The following PRKCZ variants were observed in gnomAD, a reference collection of about 807,000 sequenced individuals.
The protein encoded by PRKCZ is protein kinase C zeta type.
Under a neutral mutation model 79.5 loss-of-function variants are expected in PRKCZ, and 33 were observed. The ratio of observed to expected loss-of-function variants is 0.41; its 90% CI spans 0.31 to 0.55. PRKCZ has a LOEUF of 0.55. Among genes scored for constraint, PRKCZ ranks in the 20% least tolerant of loss-of-function variants. The pLI is 0.19. For missense variants in PRKCZ, 578 were observed against 813.5 expected (o/e 0.71, Z 3.52); for synonymous variants, 342 against 320.9 (o/e 1.07, Z -0.70).
At chr1:2,090,293 C>T (rs573230275) in intron 4 of PRKCZ, among the ~76,000 whole-genome samples, 13 of 152,174 alleles carry the variant, frequency 8.5e-5, no homozygotes, top group Non-Finnish European at 1.6e-4. Flanking sequence ...ATGGCCTGGC[C>T]GGTCTGCAGT....
At chr1:2,121,676 G>GGGTCGTGGTA (rs1672036709) in intron 4 of PRKCZ, among the ~76,000 whole-genome samples, 1 of 18,542 alleles carries the variant, frequency 5.4e-5, no homozygotes, top group African/African-American at 4.7e-4. Context: ...TCGTGGTGGT[G>GGGTCGTGGTA]GTTAGGGTCA....
Position 2,126,080 on chromosome 1 carries a change from C to T in PRKCZ, c.335-9182C>T, listed in dbSNP as rs535608052. 6.6e-5 allele frequency among the ~76,000 whole-genome samples: 10 copies of T among 152,126 alleles called. No homozygotes were observed. In the East Asian group the frequency reaches 1.9e-3, roughly 30 times the overall value. On this transcript the variant is annotated intron_variant, in intron 4 of 17. Coordinates refer to ENST00000378567, the MANE Select transcript of PRKCZ (RefSeq NM_002744.6). ...CCCTGGGGCAGCGTCACCTGGGGGT[C>T]CTGCGGGGGCTTCTCAGCACAGCAT...
In PRKCZ at chr1:2,094,315, A is replaced by G. The variant is rs1166341516; in HGVS notation, c.334+34724A>G. On this transcript the variant is annotated intron_variant, in intron 4 of 17. Coordinates refer to ENST00000378567, the MANE Select transcript of PRKCZ (RefSeq NM_002744.6). This position sits in a 1 kb window ranked among gnomAD's most constrained non-coding sequence, Gnocchi z 7.3. ...TTCTCCTACCATGATGGTGCCTGGGATGCTGTGTGGTGCCCGTGGGCAGTG... is the reference window on the plus strand; with the variant it reads ...TTCTCCTACCATGATGGTGCCTGGGGTGCTGTGTGGTGCCCGTGGGCAGTG... Among the ~76,000 whole-genome samples, 4 of 152,128 alleles carry G rather than the reference A, an allele frequency of 2.6e-5. No homozygotes were observed. The highest frequency in any genetic ancestry group is 9.7e-5 in the African/African-American group (4 of 41,406).
At chr1:2,103,453 C>T (rs1006932099) in intron 4 of PRKCZ, among the ~76,000 whole-genome samples, 17 of 151,896 alleles carry the variant, frequency 1.1e-4, no homozygotes, top group African/African-American at 3.9e-4. Context: ...GCGTGTGCCT[C>T]GGGAAGGCCT....
In PRKCZ at chr1:2,168,020, G is replaced by A. The variant is rs1317583568; in HGVS notation, c.975-1498G>A. Reference sequence around the variant, plus strand: ...TGGAGCTTCGTTCCGTGGGGTTGACGTTACTGAACGAGTCCCTCCACGGGT... The same window carrying A: ...TGGAGCTTCGTTCCGTGGGGTTGACATTACTGAACGAGTCCCTCCACGGGT... On this transcript the variant is annotated intron_variant, in intron 10 of 17. Coordinates refer to ENST00000378567, the MANE Select transcript of PRKCZ (RefSeq NM_002744.6). The surrounding 1 kb of genome is among the most constrained non-coding windows in gnomAD (Gnocchi z 4.7). Among the ~76,000 whole-genome samples the A allele has an allele frequency of 1.3e-5, 2 of 152,158 alleles. No homozygotes were observed. The highest frequency in any genetic ancestry group is 2.1e-4 in the South Asian group (1 of 4,832).
chr1:2,181,828 G>A (rs1294722570), intron 16 of PRKCZ: 1 of 456,152 alleles, frequency 2.2e-6, no homozygotes. Flanking sequence ...CATTTTATCG[G>A]CAGGTGTTTC....
At chr1:2,052,577 C>T (rs1200426154) in intron 1 of PRKCZ, among the ~76,000 whole-genome samples, 1 of 151,918 alleles carries the variant, frequency 6.6e-6, no homozygotes, top group Non-Finnish European at 1.5e-5. Context: ...TTCCTTCTCT[C>T]CTCTCTCCCC....
chr1:2,172,058 C>T lies in PRKCZ; in HGVS notation c.1065C>T (p.Phe355=). ...QRKLPEEHAR[F]YAAEICIALN... is the part of the protein sequence containing the mutation. ...ATGACGGCATCCCCACCCCCAGGTT[C>T]TACGCGGCCGAGATCTGCATCGCCC... Residue 355 remains phenylalanine (F), a synonymous_variant, in exon 12 of 18, where the codon TTC becomes TTT. Transcript: ENST00000378567. The surrounding 1 kb of genome is among the most constrained non-coding windows in gnomAD (Gnocchi z 7.8). The T allele has an allele frequency of 6.2e-7, 1 of 1,602,480 alleles. No individual in the cohort carries two copies. The highest frequency in any genetic ancestry group is 1.1e-5 in the South Asian group (1 of 89,044).
chr1:2,072,175 A>T (rs1020579709), intron 4 of PRKCZ, among the ~76,000 whole-genome samples: 6 of 152,210 alleles, frequency 3.9e-5, no homozygotes, highest in Non-Finnish European at 8.8e-5. Flanking sequence ...CCGCCTGACG[A>T]GGGAAGCTTG....
At chr1:2,070,262 A>G (rs1474421622) in intron 4 of PRKCZ, among the ~76,000 whole-genome samples, 1 of 152,046 alleles carries the variant, frequency 6.6e-6, no homozygotes, top group African/African-American at 2.4e-5. Context: ...GGTGTCCTAC[A>G]TTCCACATTC....
chr1:2,102,753 C>G (rs1667713003), intron 4 of PRKCZ, among the ~76,000 whole-genome samples: 1 of 152,170 alleles, frequency 6.6e-6, no homozygotes, highest in Non-Finnish European at 1.5e-5. Flanking sequence ...GTCTCCTCCC[C>G]CAACCCCCAA....
In PRKCZ at chr1:2,172,253, C is replaced by G; in HGVS notation, c.1198-48C>G. 1 of 1,613,418 alleles carries G rather than the reference C, an allele frequency of 6.2e-7. No homozygotes were observed. The highest frequency in any genetic ancestry group is 1.3e-5 in the African/African-American group (1 of 75,038). On this transcript the variant is annotated intron_variant, in intron 12 of 17. Coordinates refer to ENST00000378567, the MANE Select transcript of PRKCZ (RefSeq NM_002744.6). This position sits in a 1 kb window ranked among gnomAD's most constrained non-coding sequence, Gnocchi z 7.8. ...TGTGCGTCTCGGGGCGCCTGTCCCG[C>G]GGGGTAGTGTCTACAAGAACCCTCT... is the stretch of plus-strand genomic sequence containing the variant.
At chr1:2,156,585 T>C (rs1571884956) in intron 10 of PRKCZ, 1 of 167,642 alleles carries the variant, frequency 6.0e-6, no homozygotes, top group South Asian at 1.4e-4. Context: ...CATTGAGTCC[T>C]CAAGACCATC....
At chr1:2,089,355 A>C (rs1363526092) in intron 4 of PRKCZ, among the ~76,000 whole-genome samples, 1 of 152,082 alleles carries the variant, frequency 6.6e-6, no homozygotes, top group Non-Finnish European at 1.5e-5. Context: ...GGGGACAGAG[A>C]CTTCCAGGAG....
chr1:2,147,644 C>T lies in PRKCZ; in HGVS notation c.635-1228C>T, dbSNP rs549921931. On this transcript the variant is annotated intron_variant, in intron 7 of 17. Coordinates refer to ENST00000378567, the MANE Select transcript of PRKCZ (RefSeq NM_002744.6). ...TTGTCCACTGACCTCTCCATCTATCCATCCATCTATTGTCCACTGACGTCT... is the reference window on the plus strand; with the variant it reads ...TTGTCCACTGACCTCTCCATCTATCTATCCATCTATTGTCCACTGACGTCT... Among the ~76,000 whole-genome samples the T allele has an allele frequency of 1.2e-3, 187 of 149,822 alleles. 1 individual carries two copies. The highest frequency in any genetic ancestry group is 4.5e-3 in the African/African-American group (180 of 40,350).
chr1:2,095,135 C>T (rs774036810), intron 4 of PRKCZ, among the ~76,000 whole-genome samples: 1 of 152,178 alleles, frequency 6.6e-6, no homozygotes, highest in Non-Finnish European at 1.5e-5. Flanking sequence ...CACTGGGTCC[C>T]AGATATGCCG....
Position 2,149,860 on chromosome 1 carries a change from C to A in PRKCZ, c.688-930C>A, listed in dbSNP as rs1679481781. On this transcript the variant is annotated intron_variant, in intron 8 of 17. Coordinates refer to ENST00000378567, the MANE Select transcript of PRKCZ (RefSeq NM_002744.6). The surrounding 1 kb of genome is among the most constrained non-coding windows in gnomAD (Gnocchi z 4.1). The stretch of plus-strand genomic sequence containing the variant: ...TGGGCGACAGAGGAAGAGTCTGTCT[C>A]AAAAAAAGCAGAATCCGGCTGGGCG... 2.0e-5 allele frequency among the ~76,000 whole-genome samples: 3 copies of A among 151,082 alleles called. No individual in the cohort carries two copies. The highest frequency in any genetic ancestry group is 4.4e-5 in the Non-Finnish European group (3 of 67,816).
chr1:2,145,870 C>T (rs1364563505), intron 6 of PRKCZ, among the ~76,000 whole-genome samples, 157 bp from the exon 7 acceptor site: 1 of 152,324 alleles, frequency 6.6e-6, no homozygotes, highest in Admixed American at 6.5e-5. Context: ...GAGCCGTGAT[C>T]GCGCCACTGC....
chr1:2,180,987 C>T (rs1017790541), intron 16 of PRKCZ, among the ~76,000 whole-genome samples: 5 of 152,198 alleles, frequency 3.3e-5, no homozygotes, highest in Non-Finnish European at 7.4e-5. Context: ...CCTTGGACGC[C>T]TCCAGGCCCT....
Sources: allele counts gnomAD v4.1 joint callset (sites outside exome capture counted in the v4.1 genomes callset), GRCh38; gene constraint gnomAD v4.1.1; non-coding constraint Gnocchi (gnomAD v3.1); transcripts MANE v1.5; gene names NCBI Gene and HGNC (gene_info 2026-07-23, HGNC 2026-07-21).